The following RGSL1 variants were observed in gnomAD, a reference collection of about 807,000 sequenced individuals.
The protein encoded by RGSL1 is regulator of G protein signaling protein-like.
Under a neutral mutation model 124.7 loss-of-function variants are expected in RGSL1, and 97 were observed. The ratio of observed to expected loss-of-function variants is 0.78; its 90% CI spans 0.66 to 0.92. The LOEUF is 0.92. RGSL1 is among the 40% of genes least tolerant of loss of function. The pLI, the probability that RGSL1 is intolerant of heterozygous loss-of-function variation, is 0.00. For missense variants in RGSL1, 1,233 were observed against 1,288.4 expected, an observed-to-expected ratio of 0.96 and a Z score of 0.66; for synonymous variants, 424 against 438.1, an observed-to-expected ratio of 0.97 and a Z score of 0.40.
Position 182,450,158 on chromosome 1 carries a change from A to G in RGSL1, c.-8A>G, listed in dbSNP as rs1651696831. 6.4e-7 allele frequency: 1 copy of G among 1,551,926 alleles called. No homozygotes were observed. The highest frequency in any genetic ancestry group is 2.0e-5 in the Admixed American group (1 of 50,992). On this transcript the variant is annotated 5_prime_UTR_variant, in exon 1 of 22. It removes an upstream start codon present in the reference 5' UTR. Coordinates refer to ENST00000294854, the MANE Select transcript of RGSL1 (RefSeq NM_001137669.2). Reference sequence around the variant, plus strand: ...AACAAATTACTGTGTCAGGAAGAGCATGGCAACATGAGCAGTGCTGGTGAG... The same window carrying G: ...AACAAATTACTGTGTCAGGAAGAGCGTGGCAACATGAGCAGTGCTGGTGAG...
chr1:182,496,742 T>A (rs1655942252), intron 9 of RGSL1, among the ~76,000 whole-genome samples: 1 of 152,190 alleles, frequency 6.6e-6, no homozygotes, highest in Non-Finnish European at 1.5e-5. Context: ...TATTTTCAAG[T>A]GTGAAATAAT....
chr1:182,479,958 C>A (rs1654570535), intron 6 of RGSL1, among the ~76,000 whole-genome samples: 1 of 152,116 alleles, frequency 6.6e-6, no homozygotes, highest in Non-Finnish European at 1.5e-5. Context: ...CATACGCACC[C>A]AACATCATCA....
chr1:182,483,073 T>C (rs1654830554), intron 6 of RGSL1, among the ~76,000 whole-genome samples: 1 of 152,140 alleles, frequency 6.6e-6, no homozygotes, highest in Non-Finnish European at 1.5e-5. Context: ...TCAGATAAAC[T>C]CATAGAAGCA....
At chr1:182,480,376 A>T (rs1290496638) in intron 6 of RGSL1, among the ~76,000 whole-genome samples, 1 of 152,050 alleles carries the variant, frequency 6.6e-6, no homozygotes, top group Non-Finnish European at 1.5e-5. Context: ...GGTTACAGTG[A>T]CCTGTGATCA....
chr1:182,523,145 A>C (rs1030963196), intron 10 of RGSL1, among the ~76,000 whole-genome samples: 2 of 150,790 alleles, frequency 1.3e-5, no homozygotes, highest in Non-Finnish European at 2.9e-5. Flanking sequence ...CAAGTGATCC[A>C]CGTGCTTCAG....
At chr1:182,538,647 C>T (rs564959585) in intron 14 of RGSL1, among the ~76,000 whole-genome samples, 1 of 152,044 alleles carries the variant, frequency 6.6e-6, no homozygotes, top group Non-Finnish European at 1.5e-5. Context: ...ACAGTCAGGG[C>T]TGGAACTAGG....
chr1:182,479,698 T>C (rs2102059723), intron 6 of RGSL1, among the ~76,000 whole-genome samples: 1 of 152,156 alleles, frequency 6.6e-6, no homozygotes, highest in East Asian at 1.9e-4. Flanking sequence ...AGACATTGAG[T>C]AGATGAATGT....
chr1:182,465,696 GGACCTGA>G (rs1225227999), intron 4 of RGSL1, among the ~76,000 whole-genome samples: 1 of 151,982 alleles, frequency 6.6e-6, no homozygotes, highest in Non-Finnish European at 1.5e-5. Flanking sequence ...GAAAAGTCCT[GGACCTGA>G]TGGTTTTACT....
At chr1:182,555,690 C>A in intron 20 of RGSL1, 1 of 289,274 alleles carries the variant, frequency 3.5e-6, no homozygotes, top group Non-Finnish European at 6.5e-6. Context: ...GGTGTCCTTG[C>A]CAGCCAAGTC....
chr1:182,502,117 T>C (rs1312758960), intron 9 of RGSL1, among the ~76,000 whole-genome samples: 1 of 152,218 alleles, frequency 6.6e-6, no homozygotes, highest in African/African-American at 2.4e-5. Flanking sequence ...TTCTTTTCCC[T>C]TTTTTTCTCG....
chr1:182,467,059 T>C (rs370351217), intron 4 of RGSL1, among the ~76,000 whole-genome samples: 2 of 151,996 alleles, frequency 1.3e-5, no homozygotes, highest in African/African-American at 4.8e-5. Context: ...CAACTTACAA[T>C]GGATGTGAAG....
At chr1:182,469,818 GAAT>G (rs1653675423) in intron 4 of RGSL1, among the ~76,000 whole-genome samples, 1 of 152,008 alleles carries the variant, frequency 6.6e-6, no homozygotes, top group Non-Finnish European at 1.5e-5. Flanking sequence ...ATGCACAATG[GAAT>G]ATTATTCAGC....
intron 9 of RGSL1, among the ~76,000 whole-genome samples, chr1:182,495,387 A>C (rs1391698386): frequency 6.6e-6 from 1 of 152,142 alleles, no homozygotes; most frequent in Non-Finnish European, 1.5e-5. Context: ...GAGGGCTTTA[A>C]GATGCAATAC....
intron 9 of RGSL1, among the ~76,000 whole-genome samples, chr1:182,507,765 C>T (rs1249218015): frequency 6.6e-6 from 1 of 151,806 alleles, no homozygotes; most frequent in East Asian, 1.9e-4. Context: ...TGCAGTGGTG[C>T]AATCATGGCT....
At chr1:182,452,439 G>C (rs1267645606) in intron 1 of RGSL1, among the ~76,000 whole-genome samples, 1 of 151,710 alleles carries the variant, frequency 6.6e-6, no homozygotes, top group Non-Finnish European at 1.5e-5. Flanking sequence ...ACTCACAATA[G>C]TGTTTATCTG....
At position 182,527,719 on chromosome 1, in the gene RGSL1, A is replaced by G; in HGVS notation, c.2072A>G (p.Lys691Arg). Residue 691 changes from lysine (K) to arginine (R), a missense_variant, in exon 11 of 22, where the codon AAG becomes AGG. Coordinates refer to ENST00000294854, the MANE Select transcript of RGSL1 (RefSeq NM_001137669.2). Reference sequence around the variant, plus strand: ...ATAGAGACCAATGAAAAGATTTGCAAGTCTCTCATAGAAAATGTAATCAAG... The same window carrying G: ...ATAGAGACCAATGAAAAGATTTGCAGGTCTCTCATAGAAAATGTAATCAAG... ...ISIETNEKIC[K>R]SLIENVIKTF... 1 of 1,551,196 alleles carries G rather than the reference A, an allele frequency of 6.4e-7. No homozygotes were observed. Among genetic ancestry groups the G allele is most frequent in the South Asian group, 1.2e-5 (1 of 83,984 alleles).
intron 4 of RGSL1, among the ~76,000 whole-genome samples, chr1:182,461,553 T>C (rs1473327117): frequency 1.3e-5 from 2 of 151,560 alleles, no homozygotes; most frequent in Non-Finnish European, 2.9e-5. Flanking sequence ...ATCTACTAGA[T>C]AAAGACTTTA....
chr1:182,558,760 C>G (rs1422158143), intron 21 of RGSL1, among the ~76,000 whole-genome samples: 1 of 152,188 alleles, frequency 6.6e-6, no homozygotes, highest in East Asian at 1.9e-4. Context: ...CATCACATCT[C>G]TCTGGTTCCC....
intron 14 of RGSL1, among the ~76,000 whole-genome samples, chr1:182,538,139 A>G (rs1415291704): frequency 1.3e-5 from 2 of 152,124 alleles, no homozygotes; most frequent in Non-Finnish European, 2.9e-5. Context: ...AAACTGTTTC[A>G]ATATATTTTG....
Sources: allele counts gnomAD v4.1 joint callset (sites outside exome capture counted in the v4.1 genomes callset), GRCh38; gene constraint gnomAD v4.1.1; transcripts MANE v1.5; gene names NCBI Gene and HGNC (gene_info 2026-07-23, HGNC 2026-07-21).